The following CCDC7 variants were observed in gnomAD, a reference collection of about 807,000 sequenced individuals.
The protein encoded by CCDC7 is coiled-coil domain containing 7, also known as coiled-coil domain-containing protein 7.
CCDC7 carries 183 observed loss-of-function variants against 196.9 expected under a neutral mutation model. The ratio of observed to expected loss-of-function variants is 0.93; its 90% CI spans 0.82 to 1.05. The LOEUF (loss-of-function observed/expected upper bound fraction) is 1.05, where lower values mean the gene tolerates loss of function less well. Among genes scored for constraint, CCDC7 ranks in the 50% least tolerant of loss-of-function variants. The pLI is 0.00. For missense variants in CCDC7, 1,540 were observed against 1,482.2 expected (o/e 1.04, Z -0.64); for synonymous variants, 525 against 484.6 (o/e 1.08, Z -1.10).
intron 18 of CCDC7, among the ~76,000 whole-genome samples, chr10:32,610,229 C>T (rs568416021): frequency 3.9e-5 from 6 of 152,118 alleles, no homozygotes; most frequent in African/African-American, 9.6e-5. Context: ...CTCAGCCTCC[C>T]GAGTAGCTGG....
intron 18 of CCDC7, among the ~76,000 whole-genome samples, chr10:32,608,348 G>GGTTTT (rs1314065182): frequency 6.6e-6 from 1 of 151,698 alleles, no homozygotes; most frequent in Non-Finnish European, 1.5e-5. Flanking sequence ...GGTTTGGTTT[G>GGTTTT]TTCCTCCTTT....
chr10:32,626,230 A>G (rs1175492695), intron 18 of CCDC7, among the ~76,000 whole-genome samples: 1 of 151,966 alleles, frequency 6.6e-6, no homozygotes, highest in Non-Finnish European at 1.5e-5. Flanking sequence ...ACCAACACTT[A>G]TCTTTGGTAT....
At chr10:32,835,925 A>G (rs1306792877) in intron 33 of CCDC7, among the ~76,000 whole-genome samples, 3 of 152,148 alleles carry the variant, frequency 2.0e-5, no homozygotes, top group Non-Finnish European at 1.5e-5. Context: ...GTAAAAGCAT[A>G]CAGACTAACT....
intron 18 of CCDC7, among the ~76,000 whole-genome samples, chr10:32,599,276 A>T (rs917475277): frequency 1.4e-5 from 2 of 138,478 alleles, no homozygotes; most frequent in African/African-American, 5.0e-5. Flanking sequence ...CCATCCCTTC[A>T]CTTTCAATAT....
chr10:32,843,107 T>A (rs7911590), intron 33 of CCDC7, among the ~76,000 whole-genome samples: 21,444 of 150,730 alleles, frequency 0.14, 1,820 homozygotes, highest in African/African-American at 0.25. Flanking sequence ...TAAATTTTTT[T>A]AAAAAATTTA....
intron 24 of CCDC7, among the ~76,000 whole-genome samples, chr10:32,708,968 T>G (rs1477613350): frequency 6.6e-6 from 1 of 152,208 alleles, no homozygotes; most frequent in Admixed American, 6.5e-5. Context: ...CTCCCATTAC[T>G]GGGTATATAC....
rs141773989 is a variant in CCDC7 at position 32,488,994 on chromosome 10, G to A, written c.797-2928G>A. On this transcript the variant is annotated intron_variant, in intron 8 of 41. Transcript: ENST00000639629. ...GTAAAAATTTCAGTGGTGTACAGTG[G>A]CCAAGGCTGTAGGTATCTGCAACAG... Among the ~76,000 whole-genome samples the A allele has an allele frequency of 2.6e-3, 396 of 152,298 alleles. 1 individual carries two copies. Among genetic ancestry groups the A allele is most frequent in the Admixed American group, 4.3e-3 (66 of 15,306 alleles).
intron 28 of CCDC7, among the ~76,000 whole-genome samples, chr10:32,742,660 G>T (rs1419611317): frequency 2.0e-5 from 3 of 152,148 alleles, no homozygotes. Context: ...TGAAACAACA[G>T]AACTTATTTT....
At chr10:32,711,590 G>A in intron 24 of CCDC7, 30 bp from the exon 26 acceptor site, 2 of 1,344,502 alleles carry the variant, frequency 1.5e-6, no homozygotes, top group Non-Finnish European at 2.1e-6. Context: ...TGTTTTTCTA[G>A]TAAGGGACTA....
intron 8 of CCDC7, among the ~76,000 whole-genome samples, chr10:32,483,193 A>G (rs2040318263): frequency 6.6e-6 from 1 of 152,182 alleles, no homozygotes; most frequent in South Asian, 2.1e-4. Flanking sequence ...TCACCATTCT[A>G]ACTGATGTGA....
At chr10:32,698,541 G>T (rs1212729263) in intron 24 of CCDC7, among the ~76,000 whole-genome samples, 8 of 152,152 alleles carry the variant, frequency 5.3e-5, no homozygotes, top group Admixed American at 5.2e-4. Context: ...CATGGCACGA[G>T]AACTATGTGA....
At chr10:32,765,980 C>T (rs1248335636) in intron 28 of CCDC7, among the ~76,000 whole-genome samples, 2 of 152,054 alleles carry the variant, frequency 1.3e-5, no homozygotes, top group East Asian at 3.8e-4. Context: ...CTCCCACTCT[C>T]TATCATAATT....
chr10:32,759,212 A>G (rs1009665739), intron 28 of CCDC7, among the ~76,000 whole-genome samples: 2 of 152,188 alleles, frequency 1.3e-5, no homozygotes, highest in Non-Finnish European at 2.9e-5. Flanking sequence ...CAAGCTACCA[A>G]TGACTTTCTT....
rs1419076115 is a variant in CCDC7 at position 32,656,786 on chromosome 10, A to G, written c.2015-7268A>G. ...TCATGCCCTTCCAACAGTCCCCCAA[A>G]GTCTTAACTTATTCCAGCATTAACT... On this transcript the variant is annotated intron_variant, in intron 20 of 41. Coordinates refer to ENST00000639629, the Ensembl canonical transcript of CCDC7. Among the ~76,000 whole-genome samples, 6 of 152,282 alleles carry G rather than the reference A, an allele frequency of 3.9e-5. No homozygotes were observed. The East Asian group carries it at 1.2e-3, about 29-fold the overall frequency.
At chr10:32,663,697 G>A (rs1471031524) in intron 20 of CCDC7, among the ~76,000 whole-genome samples, 1 of 151,894 alleles carries the variant, frequency 6.6e-6, no homozygotes, top group Non-Finnish European at 1.5e-5. Context: ...GTACATTTAA[G>A]TGATTTTGAG....
chr10:32,872,706 C>T (rs1467708242), intron 41 of CCDC7, among the ~76,000 whole-genome samples: 1 of 151,902 alleles, frequency 6.6e-6, no homozygotes, highest in Non-Finnish European at 1.5e-5. Flanking sequence ...TTAGTGCTTC[C>T]TTCAGGAGCT....
rs7918750 is a variant in CCDC7, at chr10:32,801,040, G to A, written c.3014-3975G>A. Reference sequence around the variant, plus strand: ...TTGCCTTTGATGGTTGAGTGCCACCGCTTGGCCTCTGCCATCTTGGGATCC... The same window carrying A: ...TTGCCTTTGATGGTTGAGTGCCACCACTTGGCCTCTGCCATCTTGGGATCC... On this transcript the variant is annotated intron_variant, in intron 29 of 41. Transcript: ENST00000639629. Among the ~76,000 whole-genome samples the A allele has an allele frequency of 7.0e-3, 1,071 of 152,242 alleles. 13 individuals are homozygous for A. Among genetic ancestry groups the A allele is most frequent in the African/African-American group, 0.025 (1,022 of 41,524 alleles).
At chr10:32,781,729 C>T (rs982692498) in intron 29 of CCDC7, among the ~76,000 whole-genome samples, 2 of 152,184 alleles carry the variant, frequency 1.3e-5, no homozygotes, top group East Asian at 3.9e-4. Flanking sequence ...AAATGTTTTC[C>T]TTAAGATCAG....
At chr10:32,515,635 C>G (rs1449822138) in intron 9 of CCDC7, among the ~76,000 whole-genome samples, 1 of 152,050 alleles carries the variant, frequency 6.6e-6, no homozygotes, top group East Asian at 1.9e-4. Context: ...GCTCTGCCTC[C>G]CGGGTTCACG....
Sources: allele counts gnomAD v4.1 joint callset (sites outside exome capture counted in the v4.1 genomes callset), GRCh38; gene constraint gnomAD v4.1.1; transcripts MANE v1.5; gene names NCBI Gene and HGNC (gene_info 2026-07-23, HGNC 2026-07-21).